The following PRELID2 variants were observed in gnomAD, a reference collection of about 807,000 sequenced individuals.
The protein encoded by PRELID2 is PRELI domain containing 2.
Under a neutral mutation model 28.4 loss-of-function variants are expected in PRELID2, and 25 were observed. The ratio of observed to expected loss-of-function variants is 0.88; its 90% CI spans 0.64 to 1.23. PRELID2 has a LOEUF of 1.23. PRELID2 is among the 50% of genes most tolerant of loss of function. The pLI, the probability that PRELID2 is intolerant of heterozygous loss-of-function variation, is 0.00. For synonymous variants in PRELID2, 76 were observed against 71.6 expected, an observed-to-expected ratio of 1.06 and a Z score of -0.31; for missense variants, 201 against 214.4, an observed-to-expected ratio of 0.94 and a Z score of 0.39.
intron 1 of PRELID2, among the ~76,000 whole-genome samples, chr5:145,560,267 G>T (rs180740781): frequency 6.6e-6 from 1 of 152,148 alleles, no homozygotes; most frequent in Non-Finnish European, 1.5e-5. Context: ...AATAAGTGCT[G>T]TTCCATCATA....
intron 2 of PRELID2, among the ~76,000 whole-genome samples, chr5:145,821,346 AG>A (rs549534345): frequency 1.3e-3 from 175 of 137,830 alleles, no homozygotes; most frequent in African/African-American, 4.4e-3. Flanking sequence ...TGTGTGTGTA[AG>A]CCCTCGTGTT....
chr5:145,735,219 C>G (rs527802002), intron 1 of PRELID2, among the ~76,000 whole-genome samples: 1 of 147,120 alleles, frequency 6.8e-6, no homozygotes, highest in African/African-American at 2.6e-5. Context: ...CACTCCAGCC[C>G]GGGCGACAGT....
the PRELID2 span, among the ~76,000 whole-genome samples, chr5:145,362,235 AG>A: frequency 6.6e-6 from 1 of 152,154 alleles, no homozygotes; most frequent in South Asian, 2.1e-4. Context: ...TGGTATTTGA[AG>A]CCTTTCAAAA....
At chr5:145,648,981 A>C (rs922133752) in intron 1 of PRELID2, among the ~76,000 whole-genome samples, 2 of 152,076 alleles carry the variant, frequency 1.3e-5, no homozygotes, top group Non-Finnish European at 2.9e-5. Context: ...TTGAGTACCT[A>C]TCAAAGCATT....
At chr5:145,554,897 T>C (rs1256586344) in intron 1 of PRELID2, among the ~76,000 whole-genome samples, 1 of 152,196 alleles carries the variant, frequency 6.6e-6, no homozygotes, top group Non-Finnish European at 1.5e-5. Flanking sequence ...AAATAGTGAA[T>C]GCTAAGAAGA....
intron 1 of PRELID2, among the ~76,000 whole-genome samples, chr5:145,502,170 G>A (rs1752365348): frequency 6.6e-6 from 1 of 152,046 alleles, no homozygotes; most frequent in South Asian, 2.1e-4. Flanking sequence ...GAGGCCTCAG[G>A]GAACATACAG....
At chr5:145,521,334 T>C (rs1363925724) in intron 1 of PRELID2, among the ~76,000 whole-genome samples, 1 of 152,166 alleles carries the variant, frequency 6.6e-6, no homozygotes, top group Non-Finnish European at 1.5e-5. Flanking sequence ...GCCTGTCACA[T>C]GGTTACTCTA....
chr5:145,443,011 C>T, the PRELID2 span, among the ~76,000 whole-genome samples: 20 of 152,016 alleles, frequency 1.3e-4, no homozygotes, highest in African/African-American at 4.8e-4. Flanking sequence ...CCCATGTGTC[C>T]GTTTATAGGC....
chr5:145,529,220 T>C (rs558642280), intron 1 of PRELID2, among the ~76,000 whole-genome samples: 1 of 152,304 alleles, frequency 6.6e-6, no homozygotes, highest in East Asian at 1.9e-4. Context: ...TCTGAACATA[T>C]AATTGCAGAC....
At chr5:145,716,437 G>C (rs1218096795) in intron 1 of PRELID2, among the ~76,000 whole-genome samples, 1 of 152,096 alleles carries the variant, frequency 6.6e-6, no homozygotes, top group Non-Finnish European at 1.5e-5. Flanking sequence ...GTTTTGGGGT[G>C]GGTGCTCAGA....
chr5:145,271,393 C>G, the PRELID2 span, among the ~76,000 whole-genome samples: 1 of 152,044 alleles, frequency 6.6e-6, no homozygotes, highest in East Asian at 1.9e-4. Context: ...CTGGGAAAAA[C>G]TTTGTAGAGA....
At chr5:145,820,122 T>C in intron 2 of PRELID2, 104 bp from the exon 3 acceptor site, 1 of 126,788 alleles carries the variant, frequency 7.9e-6, no homozygotes. Context: ...TTTTGTTTTT[T>C]GTTTTTTTTT....
chr5:145,247,620 T>C, the PRELID2 span, among the ~76,000 whole-genome samples: 1 of 152,158 alleles, frequency 6.6e-6, no homozygotes, highest in Non-Finnish European at 1.5e-5. Flanking sequence ...GTGGCTAGTA[T>C]TGAATGCCAA....
the PRELID2 span, among the ~76,000 whole-genome samples, chr5:145,382,268 T>C: frequency 2.4e-4 from 36 of 152,040 alleles, no homozygotes; most frequent in African/African-American, 7.9e-4. Context: ...GTAACCTGTG[T>C]GAATAATGTT....
chr5:145,347,908 A>G, the PRELID2 span, among the ~76,000 whole-genome samples: 3 of 152,128 alleles, frequency 2.0e-5, no homozygotes, highest in African/African-American at 7.2e-5. Flanking sequence ...TACCCCTAGC[A>G]GAACTATTGA....
intron 1 of PRELID2, among the ~76,000 whole-genome samples, chr5:145,607,590 C>T (rs1345007207): frequency 6.6e-6 from 1 of 152,062 alleles, no homozygotes; most frequent in Non-Finnish European, 1.5e-5. Context: ...ATTTTTATTG[C>T]ACTGTTGTCC....
chr5:145,351,356 A>G, the PRELID2 span, among the ~76,000 whole-genome samples: 1 of 152,284 alleles, frequency 6.6e-6, no homozygotes, highest in South Asian at 2.1e-4. Context: ...AAGCAAACAC[A>G]TCCTTCTTCA....
At chr5:145,585,329 T>C (rs988755605) in intron 1 of PRELID2, among the ~76,000 whole-genome samples, 1 of 152,078 alleles carries the variant, frequency 6.6e-6, no homozygotes, top group African/African-American at 2.4e-5. Flanking sequence ...GAATAGCTAA[T>C]GGATGCTGGG....
chr5:145,379,428 G>C, the PRELID2 span, among the ~76,000 whole-genome samples: 1 of 152,174 alleles, frequency 6.6e-6, no homozygotes, highest in African/African-American at 2.4e-5. Flanking sequence ...TATGTGCATG[G>C]TTGTACTGGA....
Sources: allele counts gnomAD v4.1 joint callset (sites outside exome capture counted in the v4.1 genomes callset), GRCh38; gene constraint gnomAD v4.1.1; transcripts MANE v1.5; gene names NCBI Gene and HGNC (gene_info 2026-07-23, HGNC 2026-07-21).